Variants in FGF13 observed in about 807,000 individuals in gnomAD.
The protein encoded by FGF13 is fibroblast growth factor homologous factor 2.
Under a neutral mutation model 19.5 loss-of-function variants are expected in FGF13, and 2 were observed. That is an observed-to-expected ratio of 0.10 (90% confidence interval 0.04 to 0.32). The LOEUF (loss-of-function observed/expected upper bound fraction) is 0.32. FGF13 is among the 10% of genes least tolerant of loss of function. FGF13 has a pLI of 1.00. For missense variants in FGF13, 113 were observed against 192.7 expected, an observed-to-expected ratio of 0.59 and a Z score of 2.45; for synonymous variants, 72 against 76.9, an observed-to-expected ratio of 0.94 and a Z score of 0.33.
chrX:139,022,717 C>T (rs1009087526), intron 1 of FGF13, among the ~76,000 whole-genome samples: 4 of 110,980 alleles, frequency 3.6e-5, no homozygotes, highest in African/African-American at 6.5e-5. Context: ...CCAATTCCCA[C>T]CCCAGCCACA....
intron 3 of FGF13, among the ~76,000 whole-genome samples, chrX:138,688,255 G>A (rs1158013468): frequency 1.8e-5 from 2 of 110,014 alleles, no homozygotes; most frequent in African/African-American, 3.3e-5. Flanking sequence ...GAGCCACCTC[G>A]CCCGGCCCCA....
intron 1 of FGF13, among the ~76,000 whole-genome samples, chrX:138,873,634 T>A (rs1292935300): frequency 9.0e-6 from 1 of 111,344 alleles, no homozygotes; most frequent in Non-Finnish European, 1.9e-5. Flanking sequence ...TCTCCTGACG[T>A]GCCTCCGATT....
chrX:138,905,149 G>A (rs1037974603), intron 1 of FGF13, among the ~76,000 whole-genome samples: 3 of 111,067 alleles, frequency 2.7e-5, no homozygotes, highest in East Asian at 2.8e-4. Context: ...GGATTCTTGG[G>A]ACAGGGACCT....
At chrX:139,139,088 G>A (rs958403814) in intron 1 of FGF13, among the ~76,000 whole-genome samples, 1 of 110,196 alleles carries the variant, frequency 9.1e-6, no homozygotes, top group Non-Finnish European at 1.9e-5. Context: ...GCACCACCAT[G>A]ACTGGCTAAT....
At chrX:138,873,432 C>T (rs781350868) in intron 1 of FGF13, among the ~76,000 whole-genome samples, 1 of 112,001 alleles carries the variant, frequency 8.9e-6, no homozygotes, top group East Asian at 2.8e-4. Flanking sequence ...ATCTCTATTT[C>T]AAAGCAGCAA....
At chrX:138,918,241 C>T (rs1183557200) in intron 1 of FGF13, among the ~76,000 whole-genome samples, 4 of 110,919 alleles carry the variant, frequency 3.6e-5, no homozygotes, top group Non-Finnish European at 1.9e-5. Flanking sequence ...TGACACTGAG[C>T]CTTGTTATTC....
At chrX:138,984,064 A>G (rs1472510357) in intron 1 of FGF13, among the ~76,000 whole-genome samples, 1 of 111,677 alleles carries the variant, frequency 9.0e-6, no homozygotes, top group Non-Finnish European at 1.9e-5. Flanking sequence ...CAGTGCTAGA[A>G]GAAACCTCAG....
At chrX:138,850,353 G>C (rs984972957) in intron 3 of FGF13, among the ~76,000 whole-genome samples, 1 of 111,417 alleles carries the variant, frequency 9.0e-6, no homozygotes, top group African/African-American at 3.3e-5. Context: ...ATAAGGTAGG[G>C]GAAATAAGGG....
chrX:138,799,512 G>A (rs1419202609), intron 3 of FGF13, among the ~76,000 whole-genome samples: 2 of 111,568 alleles, frequency 1.8e-5, no homozygotes, highest in Admixed American at 9.6e-5. Context: ...AGTGTTATGT[G>A]GTGCTGAGAA....
At chrX:138,993,669 C>G (rs147036618) in intron 1 of FGF13, among the ~76,000 whole-genome samples, 4 of 111,624 alleles carry the variant, frequency 3.6e-5, no homozygotes, top group African/African-American at 1.3e-4. Context: ...TACATAGGAA[C>G]CAGACAAACG....
chrX:138,708,590 C>T (rs1368147209), intron 2 of FGF13, among the ~76,000 whole-genome samples: 1 of 112,001 alleles, frequency 8.9e-6, no homozygotes, highest in African/African-American at 3.2e-5. Flanking sequence ...ATGGAGATGA[C>T]ATTTGGATTA....
intron 1 of FGF13, among the ~76,000 whole-genome samples, chrX:138,975,713 G>C (rs969402244): frequency 2.7e-5 from 3 of 111,534 alleles, no homozygotes; most frequent in Non-Finnish European, 5.6e-5. Context: ...AAAGTGTGGG[G>C]AATGACATCA....
At chrX:139,128,567 CT>C (rs1184690317) in intron 1 of FGF13, among the ~76,000 whole-genome samples, 8 of 112,557 alleles carry the variant, frequency 7.1e-5, no homozygotes, top group Non-Finnish European at 1.3e-4. Context: ...TATATAGCCT[CT>C]GCTTTAGCAT....
chrX:139,030,465 G>T lies in FGF13; in HGVS notation c.-112-165815C>A, dbSNP rs746816396. 1.3e-4 allele frequency among the ~76,000 whole-genome samples: 15 copies of T among 111,719 alleles called. No individual in the cohort carries two copies. The East Asian group carries it at 3.7e-3, about 27-fold the overall frequency. ...GCATCTGTTTCAGTTATCTACTGCT[G>T]TGTAAAAACCACCCAGAACTAGTAA... On this transcript the variant is annotated intron_variant, in intron 1 of 2. Transcript: ENST00000421460.
intron 1 of FGF13, among the ~76,000 whole-genome samples, chrX:139,080,377 C>G (rs2083362509): frequency 8.9e-6 from 1 of 111,752 alleles, no homozygotes; most frequent in Non-Finnish European, 1.9e-5. Context: ...ACTCCACATT[C>G]AATACTTGTG....
At chrX:138,633,244 A>G (rs998044551) in intron 4 of FGF13, among the ~76,000 whole-genome samples, 2 of 111,459 alleles carry the variant, frequency 1.8e-5, no homozygotes, top group African/African-American at 6.5e-5. Context: ...AAAAAAATAC[A>G]TTAAAAAAAT....
chrX:138,690,607 A>G (rs998992821), intron 3 of FGF13, among the ~76,000 whole-genome samples: 4 of 110,666 alleles, frequency 3.6e-5, no homozygotes, highest in African/African-American at 1.3e-4. Flanking sequence ...ACCATTGTCC[A>G]GTGTATTCAA....
At chrX:138,838,973 C>G (rs1033873678) in intron 3 of FGF13, among the ~76,000 whole-genome samples, 74 of 111,301 alleles carry the variant, frequency 6.6e-4, no homozygotes, top group Non-Finnish European at 1.0e-3. Flanking sequence ...TTGAATATGT[C>G]CCCCAAAACT....
intron 1 of FGF13, among the ~76,000 whole-genome samples, chrX:138,989,411 A>G (rs1043227247): frequency 8.9e-6 from 1 of 111,866 alleles, no homozygotes; most frequent in Non-Finnish European, 1.9e-5. Flanking sequence ...ATATTCATTT[A>G]GAAGGGATCC....
Sources: allele counts gnomAD v4.1 joint callset (sites outside exome capture counted in the v4.1 genomes callset), GRCh38; gene constraint gnomAD v4.1.1; transcripts MANE v1.5; gene names NCBI Gene and HGNC (gene_info 2026-07-23, HGNC 2026-07-21).